Variants in ZNF462 observed in about 807,000 individuals in gnomAD.
The protein encoded by ZNF462 is zinc finger PBX1-interacting protein.
A neutral mutation model predicts 201.9 loss-of-function variants in ZNF462; 10 were observed. That is an observed-to-expected ratio of 0.05 (90% CI 0.03 to 0.08). The LOEUF (loss-of-function observed/expected upper bound fraction) is 0.08, where lower values mean the gene tolerates loss of function less well. Ranked by LOEUF, ZNF462 falls within the 10% of genes least tolerant of loss-of-function variation. ZNF462 has a pLI of 1.00. For missense variants in ZNF462, 2,523 were observed against 3,168.3 expected (o/e 0.80, Z 4.89); for synonymous variants, 1,227 against 1,193.3 (o/e 1.03, Z -0.58).
At position 106,927,215 on chromosome 9, in the gene ZNF462, C is replaced by G. The variant is rs764374516; in HGVS notation, c.3303C>G (p.Pro1101=). 1.1e-5 allele frequency: 18 copies of G among 1,609,906 alleles called. No homozygotes were observed. Among genetic ancestry groups the G allele is most frequent in the South Asian group, 5.5e-5 (5 of 90,604 alleles). Residue 1101 remains proline, a synonymous_variant, in exon 3 of 13, where the codon CCC becomes CCG. Transcript: ENST00000277225. ...PKMSNMGSPP[P]PQPPPPDLST... is the part of the protein sequence containing the mutation. The stretch of plus-strand genomic sequence containing the variant: ...TGTCCAACATGGGTTCCCCACCCCC[C>G]CCACAACCCCCGCCACCAGACCTCA...
At chr9:107,004,374 G>C (rs543157952) in intron 11 of ZNF462, among the ~76,000 whole-genome samples, 1 of 152,124 alleles carries the variant, frequency 6.6e-6, no homozygotes, top group Non-Finnish European at 1.5e-5. Flanking sequence ...CTCATGACTA[G>C]AGAGGACTGT....
chr9:106,861,751 G>C (rs989678457), upstream of ZNF462, among the ~76,000 whole-genome samples: 2 of 152,170 alleles, frequency 1.3e-5, no homozygotes, highest in African/African-American at 2.4e-5. Flanking sequence ...GGTGGTGGAG[G>C]GGGGGAACCA....
intron 1 of ZNF462, among the ~76,000 whole-genome samples, chr9:106,908,937 ATATATTTTTTTTTTTTTTTTTTTTT>A: frequency 3.3e-5 from 1 of 30,478 alleles, no homozygotes; most frequent in East Asian, 8.6e-4. Context: ...ATATATATAT[ATATATTTTTTTTTTTTTTTTTTTTT>A]TTTTTTTTTT....
chr9:106,938,323 T>C lies in ZNF462; in HGVS notation c.6236-593T>C, dbSNP rs1443913145. Reference sequence around the variant, plus strand: ...CTTATTTTTACCCATTTCTGTGCTATTGACTAGATAAGGAAATGGAGTTCT... The same window carrying C: ...CTTATTTTTACCCATTTCTGTGCTACTGACTAGATAAGGAAATGGAGTTCT... On this transcript the variant is annotated intron_variant, in intron 6 of 12. Coordinates refer to ENST00000277225, the MANE Select transcript of ZNF462 (RefSeq NM_021224.6). The surrounding 1 kb of genome is among the most constrained non-coding windows in gnomAD (Gnocchi z 4.4). 6.6e-6 allele frequency among the ~76,000 whole-genome samples: 1 copy of C among 152,174 alleles called. No homozygotes were observed. Among genetic ancestry groups the C allele is most frequent in the Non-Finnish European group, 1.5e-5 (1 of 68,018 alleles).
intron 10 of ZNF462, among the ~76,000 whole-genome samples, chr9:106,987,045 G>A (rs755479119): frequency 7.3e-5 from 11 of 149,786 alleles, no homozygotes; most frequent in South Asian, 4.2e-4. Flanking sequence ...AGATATCACA[G>A]TTTCTTTATC....
intron 10 of ZNF462, among the ~76,000 whole-genome samples, chr9:107,000,251 A>G (rs889438109): frequency 1.3e-5 from 2 of 151,912 alleles, no homozygotes; most frequent in African/African-American, 2.4e-5. Flanking sequence ...CCAGAATAAC[A>G]TGAGAGCCCG....
chr9:106,958,800 A>G (rs1176844107), intron 7 of ZNF462, among the ~76,000 whole-genome samples: 1 of 152,128 alleles, frequency 6.6e-6, no homozygotes, highest in Non-Finnish European at 1.5e-5. Context: ...TGCTATCAAG[A>G]GAAAGAAAGC....
In ZNF462 at chr9:106,883,713, A is replaced by G. The variant is rs1376949785; in HGVS notation, c.-31+20358A>G. 6.6e-6 allele frequency among the ~76,000 whole-genome samples: 1 copy of G among 152,180 alleles called. No homozygotes were observed. Among genetic ancestry groups the G allele is most frequent in the Non-Finnish European group, 1.5e-5 (1 of 68,024 alleles). On this transcript the variant is annotated intron_variant, in intron 1 of 12. Transcript: ENST00000277225. The surrounding 1 kb of genome is among the most constrained non-coding windows in gnomAD (Gnocchi z 4.9). ...GTAAATCTTTTCCTCTGAAGTTTGG[A>G]TGCGGTTCAAAGCTAAGATTGAGGC...
rs1381400692 is a variant in ZNF462 at position 106,925,299 on chromosome 9, T to C, written c.1387T>C (p.Leu463=). Residue 463 remains leucine, a synonymous_variant, in exon 3 of 13, where the codon TTA becomes CTA. Coordinates refer to ENST00000277225, the MANE Select transcript of ZNF462 (RefSeq NM_021224.6). The surrounding 1 kb of genome is among the most constrained non-coding windows in gnomAD (Gnocchi z 7.9). ...SISRHIENIH[L]SGKTAVYKCD... is the part of the protein sequence containing the mutation. ...CTCTCGTCACATAGAAAACATCCACTTATCTGGAAAGACAGCTGTCTACAA... is the reference window on the plus strand; with the variant it reads ...CTCTCGTCACATAGAAAACATCCACCTATCTGGAAAGACAGCTGTCTACAA... 6.2e-7 allele frequency: 1 copy of C among 1,614,058 alleles called. No homozygotes were observed. Among genetic ancestry groups the C allele is most frequent in the Non-Finnish European group, 8.5e-7 (1 of 1,180,040 alleles).
Position 106,992,174 on chromosome 9 carries a change from G to A in ZNF462, c.7056+7765G>A, listed in dbSNP as rs111684367. The stretch of plus-strand genomic sequence containing the variant: ...AGATAAGCAATTCAGTTAAAAATGA[G>A]CACAAGATTTGAATAGACACCTTAC... On this transcript the variant is annotated intron_variant, in intron 10 of 12. Coordinates refer to ENST00000277225, the MANE Select transcript of ZNF462 (RefSeq NM_021224.6). 9.9e-5 allele frequency among the ~76,000 whole-genome samples: 15 copies of A among 152,012 alleles called. No homozygotes were observed. In the South Asian group the frequency reaches 1.5e-3, roughly 15 times the overall value.
In ZNF462 at chr9:106,916,249, C is replaced by T. The variant is rs528575421; in HGVS notation, c.-30-7105C>T. On this transcript the variant is annotated intron_variant, in intron 1 of 12. Transcript: ENST00000277225. ...ATGTTTGGCTGAATCTTGTGAGGCACGAACACTTTGGGCCATGAAGACGCA... is the reference window on the plus strand; with the variant it reads ...ATGTTTGGCTGAATCTTGTGAGGCATGAACACTTTGGGCCATGAAGACGCA... 1.2e-4 allele frequency among the ~76,000 whole-genome samples: 18 copies of T among 152,138 alleles called. No homozygotes were observed. The South Asian group carries it at 2.9e-3, about 25-fold the overall frequency.
intron 4 of ZNF462, among the ~76,000 whole-genome samples, chr9:106,931,524 A>C (rs781615685): frequency 3.3e-5 from 5 of 152,186 alleles, no homozygotes; most frequent in Non-Finnish European, 5.9e-5. Context: ...ACTTTTCTTC[A>C]CTGAAGACTG....
rs1297861596 is a variant in ZNF462 at position 106,890,810 on chromosome 9, G to A, written c.-31+27455G>A. Among the ~76,000 whole-genome samples the A allele has an allele frequency of 1.3e-5, 2 of 152,164 alleles. No homozygotes were observed. Among genetic ancestry groups the A allele is most frequent in the African/African-American group, 4.8e-5 (2 of 41,434 alleles). The stretch of plus-strand genomic sequence containing the variant: ...GTAGACTATGTTGTTCAATTATCAT[G>A]AGATTACCACATACTCTTGCCTGGA... On this transcript the variant is annotated intron_variant, in intron 1 of 12. Coordinates refer to ENST00000277225, the MANE Select transcript of ZNF462 (RefSeq NM_021224.6). This position sits in a 1 kb window ranked among gnomAD's most constrained non-coding sequence, Gnocchi z 4.2.
At chr9:106,960,993 T>C (rs926235841) in intron 7 of ZNF462, among the ~76,000 whole-genome samples, 1 of 152,110 alleles carries the variant, frequency 6.6e-6, no homozygotes, top group East Asian at 1.9e-4. Flanking sequence ...TAAAACAGTG[T>C]ATACAGTGAA....
At chr9:106,934,851 C>A (rs75998863) in intron 5 of ZNF462, among the ~76,000 whole-genome samples, 3,113 of 152,214 alleles carry the variant, frequency 0.02, 101 homozygotes, top group African/African-American at 0.072. Flanking sequence ...TAAATTGCTT[C>A]TGGAAGACTT....
intron 1 of ZNF462, among the ~76,000 whole-genome samples, chr9:106,896,954 G>A (rs1828838843): frequency 6.6e-6 from 1 of 152,162 alleles, no homozygotes; most frequent in Non-Finnish European, 1.5e-5. Flanking sequence ...TCCCTAAAAT[G>A]TGGGCTGACT....
At position 107,003,486 on chromosome 9, in the gene ZNF462, G is replaced by C; in HGVS notation, c.7189+60G>C. 1 of 1,589,028 alleles carries C rather than the reference G, an allele frequency of 6.3e-7. No individual in the cohort carries two copies. Among genetic ancestry groups the C allele is most frequent in the Non-Finnish European group, 8.6e-7 (1 of 1,167,922 alleles). ...CATCTGGCATGTCCGTAGTGAGACA[G>C]AAGGGAGGCAGGAGGTTGTTGTAGG... On this transcript the variant is annotated intron_variant, in intron 11 of 12. Transcript: ENST00000277225. This position sits in a 1 kb window ranked among gnomAD's most constrained non-coding sequence, Gnocchi z 4.4.
intron 7 of ZNF462, among the ~76,000 whole-genome samples, chr9:106,961,345 C>G (rs956814792): frequency 4.6e-5 from 7 of 152,042 alleles, no homozygotes; most frequent in Non-Finnish European, 7.4e-5. Flanking sequence ...ACATTGCATT[C>G]AAGTTCTTAA....
rs1829832193 is a variant in ZNF462 at position 107,010,001 on chromosome 9, C to A, written c.7313+333C>A. ...TCTATAATAGAACGTGAATCGAGGTCAAAAGATCTGGCTTCTGTTCCTGCC... is the reference window on the plus strand; with the variant it reads ...TCTATAATAGAACGTGAATCGAGGTAAAAAGATCTGGCTTCTGTTCCTGCC... On this transcript the variant is annotated intron_variant, in intron 12 of 12. Transcript: ENST00000277225. This position sits in a 1 kb window ranked among gnomAD's most constrained non-coding sequence, Gnocchi z 4.6. Among the ~76,000 whole-genome samples, 1 of 152,114 alleles carries A rather than the reference C, an allele frequency of 6.6e-6. No individual in the cohort carries two copies. Among genetic ancestry groups the A allele is most frequent in the Non-Finnish European group, 1.5e-5 (1 of 68,026 alleles).
Sources: allele counts gnomAD v4.1 joint callset (sites outside exome capture counted in the v4.1 genomes callset), GRCh38; gene constraint gnomAD v4.1.1; non-coding constraint Gnocchi (gnomAD v3.1); transcripts MANE v1.5; gene names NCBI Gene and HGNC (gene_info 2026-07-23, HGNC 2026-07-21).